The following ZNF772 variants were observed in gnomAD, a reference collection of about 807,000 sequenced individuals.
ZNF772 encodes the protein zinc finger protein 772.
In ZNF772, 8 loss-of-function variants were observed where a neutral mutation model predicts 11.0. The ratio of observed to expected loss-of-function variants is 0.73; its 90% confidence interval spans 0.43 to 1.31. ZNF772 has a LOEUF of 1.31. ZNF772 is among the 50% of genes most tolerant of loss of function. The pLI is 0.01. For missense variants in ZNF772, 496 were observed against 552.3 expected (o/e 0.90, Z 1.02); for synonymous variants, 155 against 180.4 (o/e 0.86, Z 1.13).
intron 1 of ZNF772, 76 bp from the exon 2 acceptor site, chr19:57,476,748 C>T (rs2123160289): frequency 7.4e-7 from 1 of 1,348,610 alleles, no homozygotes; most frequent in South Asian, 1.5e-5. Context: ...TCCCATATTC[C>T]TACCCAGTTA....
In ZNF772 at chr19:57,473,257, C is replaced by T. The variant is rs754877610; in HGVS notation, c.*17G>A. ...TCAGTTATTATGTTGAACAAGGAAA[C>T]GGAATTATCTCCCATCCTAAGGCCT... On this transcript the variant is annotated 3_prime_UTR_variant, in exon 4 of 4. Transcript: ENST00000356584. 28 of 1,597,120 alleles carry T rather than the reference C, an allele frequency of 1.8e-5. No individual in the cohort carries two copies. The highest frequency in any genetic ancestry group is 2.2e-5 in the East Asian group (1 of 44,646).
Position 57,473,442 on chromosome 19 carries a change from A to G in ZNF772, c.1179T>C (p.Tyr393=), listed in dbSNP as rs765464548. 6.2e-7 allele frequency: 1 copy of G among 1,613,974 alleles called. No homozygotes were observed. The highest frequency in any genetic ancestry group is 1.7e-5 in the Admixed American group (1 of 60,000). ...AGGCTTTTCCACATTCACTGCACAC[A>G]TAAGGCTTTTCACCATTATGAACTC... ...HQRVHNGEKP[Y]VCSECGKAFS... The change falls in exon 4 of 4, where the codon TAT becomes TAC. Residue 393 remains tyrosine, a synonymous_variant. Coordinates refer to ENST00000356584, the MANE Select transcript of ZNF772 (RefSeq NM_001144068.2).
At position 57,470,636 on chromosome 19, in the gene ZNF772, T is replaced by C. The variant is rs1171423612; in HGVS notation, c.*2638A>G. The C allele has an allele frequency of 1.3e-5, 2 of 151,992 alleles. No individual in the cohort carries two copies. The highest frequency in any genetic ancestry group is 2.9e-5 in the Non-Finnish European group (2 of 67,980). 9.4% of individuals were successfully genotyped at this position (151,992 alleles called of 1,614,324 possible). ...ACCAAGTACTTTAAGATCAATAAAA[T>C]TGTAAAATTGATAAATCTCTACCCA... On this transcript the variant is annotated 3_prime_UTR_variant, in exon 4 of 4. Coordinates refer to ENST00000356584, the MANE Select transcript of ZNF772 (RefSeq NM_001144068.2).
chr19:57,477,456 C>T lies in ZNF772; in HGVS notation c.-147G>A. On this transcript the variant is annotated 5_prime_UTR_variant, in exon 1 of 4. In the 5' UTR this introduces an upstream ATG that the reference lacks. Coordinates refer to ENST00000356584, the MANE Select transcript of ZNF772 (RefSeq NM_001144068.2). ...CTTCAGGGAAGAAGACACTCTCTCACGTTTTCCCTTTTCTGTCACCTCAGG... is the reference window on the plus strand; with the variant it reads ...CTTCAGGGAAGAAGACACTCTCTCATGTTTTCCCTTTTCTGTCACCTCAGG... 5.2e-6 allele frequency: 4 copies of T among 767,918 alleles called. No individual in the cohort carries two copies. The highest frequency in any genetic ancestry group is 6.3e-6 in the Non-Finnish European group (3 of 479,322). The allele number at this position is 767,918 out of a possible 1,614,324, so 47.6% of individuals were successfully genotyped here. A position where few individuals can be genotyped will look rare whatever the true frequency, so the allele number is the denominator to read the frequency against.
rs1394536769 is a variant in ZNF772 at position 57,470,120 on chromosome 19, T to C, written c.*3154A>G. 1.3e-5 allele frequency: 2 copies of C among 152,152 alleles called. No homozygotes were observed. Among genetic ancestry groups the C allele is most frequent in the African/African-American group, 2.4e-5 (1 of 41,438 alleles). 9.4% of individuals were successfully genotyped at this position (152,152 alleles called of 1,614,324 possible). A position where few individuals can be genotyped will look rare whatever the true frequency, so the allele number is the denominator to read the frequency against. ...GGCTCACGCCTGTAATCCCAGCACT[T>C]TGGGAGGCTGAGGCAGGCGGATCAC... On this transcript the variant is annotated 3_prime_UTR_variant, in exon 4 of 4. Transcript: ENST00000356584.
chr19:57,475,111 G>T lies in ZNF772; in HGVS notation c.199+549C>A, dbSNP rs1477501126. The T allele has an allele frequency of 6.2e-7, 1 of 1,614,234 alleles. No individual in the cohort carries two copies. The highest frequency in any genetic ancestry group is 1.7e-5 in the Admixed American group (1 of 60,030). On this transcript the variant is annotated intron_variant, in intron 3 of 3. Coordinates refer to ENST00000356584, the MANE Select transcript of ZNF772 (RefSeq NM_001144068.2). The surrounding 1 kb of genome is among the most constrained non-coding windows in gnomAD (Gnocchi z 4.2). ...ACCCAGGGCTCACTACCCATCACCA[G>T]TGAGGCAACTATGTGGGACATGAAA...
In ZNF772 at chr19:57,472,280, T is replaced by C. The variant is rs562180760; in HGVS notation, c.*994A>G. On this transcript the variant is annotated 3_prime_UTR_variant, in exon 4 of 4. Transcript: ENST00000356584. ...CCAATATCAACTGCCTACTGAAAAA[T>C]AGACTTCAGAGATCTTGACATGTCC... The C allele has an allele frequency of 3.9e-4, 167 of 424,906 alleles. 4 individuals are homozygous for C. Among genetic ancestry groups the C allele is most frequent in the South Asian group, 2.3e-3 (137 of 58,974 alleles). The allele number at this position is 424,906 out of a possible 1,614,324, so 26.3% of individuals were successfully genotyped here. A position where few individuals can be genotyped will look rare whatever the true frequency, so the allele number is the denominator to read the frequency against.
rs1031425843 is a variant in ZNF772 at position 57,475,539 on chromosome 19, C to T, written c.199+121G>A. The T allele has an allele frequency of 2.7e-6, 4 of 1,502,434 alleles. No individual in the cohort carries two copies. The highest frequency in any genetic ancestry group is 3.7e-6 in the Non-Finnish European group (4 of 1,081,606). The allele number at this position is 1,502,434 out of a possible 1,614,324, so 93.1% of individuals were successfully genotyped here. ...AAGCCCAGCACTCACAGAACCTACT[C>T]CAGGCACTAAGAAATGAGACAGTGT... On this transcript the variant is annotated intron_variant, in intron 3 of 3. Coordinates refer to ENST00000356584, the MANE Select transcript of ZNF772 (RefSeq NM_001144068.2). The surrounding 1 kb of genome is among the most constrained non-coding windows in gnomAD (Gnocchi z 4.2).
Position 57,475,799 on chromosome 19 carries a change from G to A in ZNF772, c.73-13C>T, listed in dbSNP as rs756994651. On this transcript the variant is annotated splice_polypyrimidine_tract_variant and intron_variant, in intron 2 of 3. Transcript: ENST00000356584. The surrounding 1 kb of genome is among the most constrained non-coding windows in gnomAD (Gnocchi z 4.2). ...AGTTCACCTGCCCCTGCCACAATCA[G>A]GAGAGCCAAGTCCATGAGCAGCATC... The A allele has an allele frequency of 4.4e-6, 7 of 1,588,626 alleles. No individual in the cohort carries two copies. In the African/African-American group the frequency reaches 9.4e-5, roughly 21 times the overall value.
chr19:57,475,045 T>C lies in ZNF772; in HGVS notation c.199+615A>G. ...TCACCAGGGTCACTCCCACCTGGAG[T>C]CTCTGTGGCAACAGCTAGGGTCATG... On this transcript the variant is annotated intron_variant, in intron 3 of 3. Coordinates refer to ENST00000356584, the MANE Select transcript of ZNF772 (RefSeq NM_001144068.2). The surrounding 1 kb of genome is among the most constrained non-coding windows in gnomAD (Gnocchi z 4.2). The C allele has an allele frequency of 6.2e-7, 1 of 1,613,870 alleles. No individual in the cohort carries two copies. Among genetic ancestry groups the C allele is most frequent in the Non-Finnish European group, 8.5e-7 (1 of 1,179,954 alleles).
intron 1 of ZNF772, 42 bp downstream of exon 1, chr19:57,477,235 G>C: frequency 6.2e-7 from 1 of 1,612,904 alleles, no homozygotes; most frequent in Non-Finnish European, 8.5e-7. Context: ...TTGGGATTCA[G>C]AGATGGGGGT....
rs906562112 is a variant in ZNF772, at chr19:57,473,373, A to G, written c.1248T>C (p.Thr416=). ...CACTGCACTTATATGGCCTTTCTCC[A>G]GTGTGAATTCTATGATGCTGAACAA... ...HVLVQHHRIH[T]GERPYKCSEC... Residue 416 remains threonine (T), a synonymous_variant, in exon 4 of 4, where the codon ACT becomes ACC. Coordinates refer to ENST00000356584, the MANE Select transcript of ZNF772 (RefSeq NM_001144068.2). The G allele has an allele frequency of 1.4e-5, 23 of 1,614,076 alleles. No homozygotes were observed. The highest frequency in any genetic ancestry group is 1.8e-5 in the Non-Finnish European group (21 of 1,180,034).
intron 1 of ZNF772, 21 bp from the exon 2 acceptor site, chr19:57,476,693 A>C (rs1240570119): frequency 6.4e-7 from 1 of 1,572,314 alleles, no homozygotes; most frequent in Non-Finnish European, 8.6e-7. Context: ...GAGGGAGACT[A>C]TGCGAGTCAA....
At chr19:57,477,206 G>A in intron 1 of ZNF772, 71 bp downstream of exon 1, 1 of 1,604,106 alleles carries the variant, frequency 6.2e-7, no homozygotes, top group Non-Finnish European at 8.5e-7. Flanking sequence ...GTAACCCGAG[G>A]AATCGTTCAT....
chr19:57,476,232 C>T (rs2089282219), intron 2 of ZNF772: 1 of 279,114 alleles, frequency 3.6e-6, no homozygotes, highest in Non-Finnish European at 6.9e-6. Context: ...AAATGCACTA[C>T]CACTGTGAAA....
chr19:57,472,209 G>T lies in ZNF772; in HGVS notation c.*1065C>A. On this transcript the variant is annotated 3_prime_UTR_variant, in exon 4 of 4. Transcript: ENST00000356584. ...TTTTCTCATTCCTTTATTAATCTGGGTTTCTGCACCAACTATGATTCCTAC... is the reference window on the plus strand; with the variant it reads ...TTTTCTCATTCCTTTATTAATCTGGTTTTCTGCACCAACTATGATTCCTAC... The T allele has an allele frequency of 2.2e-6, 1 of 455,324 alleles. No individual in the cohort carries two copies. Among genetic ancestry groups the T allele is most frequent in the South Asian group, 1.6e-5 (1 of 64,350 alleles). 28.2% of individuals were successfully genotyped at this position (455,324 alleles called of 1,614,324 possible).
At position 57,475,608 on chromosome 19, in the gene ZNF772, G is replaced by A; in HGVS notation, c.199+52C>T. ...AAGGACAAAGATGCCCTGAAAAAAA[G>A]GGGAAGGGCAGGACCCAGTCCAAGT... On this transcript the variant is annotated intron_variant, in intron 3 of 3. Transcript: ENST00000356584. This position sits in a 1 kb window ranked among gnomAD's most constrained non-coding sequence, Gnocchi z 4.2. The A allele has an allele frequency of 6.2e-7, 1 of 1,612,074 alleles. No homozygotes were observed. The highest frequency in any genetic ancestry group is 8.5e-7 in the Non-Finnish European group (1 of 1,178,616).
intron 2 of ZNF772, 38 bp downstream of exon 2, chr19:57,476,596 G>C: frequency 6.2e-7 from 1 of 1,608,822 alleles, no homozygotes; most frequent in Non-Finnish European, 8.5e-7. Context: ...TATTGGGTGG[G>C]GGTGGGATCG....
Position 57,473,903 on chromosome 19 carries a change from G to A in ZNF772, c.718C>T (p.Leu240Phe). Residue 240 changes from leucine to phenylalanine, a missense_variant, in exon 4 of 4, where the codon CTT becomes TTT. By Grantham distance (22) the Leu-to-Phe change is conservative (BLOSUM62 0). Coordinates refer to ENST00000356584, the MANE Select transcript of ZNF772 (RefSeq NM_001144068.2). Reference protein sequence around the residue: ...CGKTFSRKDSLVQHQRVHTGE... With the variant: ...CGKTFSRKDSFVQHQRVHTGE... ...GTGTGGACTCTCTGGTGTTGAACAA[G>A]TGAGTCTTTGCGGCTGAAGGTTTTC... The A allele has an allele frequency of 6.2e-7, 1 of 1,614,230 alleles. No individual in the cohort carries two copies. The highest frequency in any genetic ancestry group is 8.5e-7 in the Non-Finnish European group (1 of 1,180,044).
Sources: gnomAD v4.1 joint callset for allele counts on GRCh38, gnomAD v4.1.1 for gene constraint, Gnocchi (gnomAD v3.1) non-coding constraint, MANE v1.5 for transcripts, NCBI Gene and HGNC (gene_info 2026-07-23, HGNC 2026-07-21) for gene names.